CPAMD8: variants seen among roughly 807,000 people sequenced by gnomAD.
CPAMD8 encodes C3 and PZP-like alpha-2-macroglobulin domain-containing protein 8.
CPAMD8 carries 146 observed loss-of-function variants against 224.7 expected under a neutral mutation model. The ratio of observed to expected loss-of-function variants is 0.65; its 90% confidence interval spans 0.57 to 0.75. The LOEUF (loss-of-function observed/expected upper bound fraction) is 0.75. CPAMD8 is among the 30% of genes least tolerant of loss of function. The pLI is 0.00. For missense variants in CPAMD8, 2,301 were observed against 2,537.5 expected (o/e 0.91, Z 2.00); for synonymous variants, 966 against 1,044.6 (o/e 0.92, Z 1.45).
intron 41 of CPAMD8, chr19:16,895,883 A>ATG (rs992602741): frequency 3.7e-6 from 2 of 547,288 alleles, no homozygotes; most frequent in African/African-American, 3.9e-5. Flanking sequence ...CTTGACCCGT[A>ATG]TGCGCGCGCG....
intron 13 of CPAMD8, among the ~76,000 whole-genome samples, chr19:16,982,531 G>A (rs1367024411): frequency 2.6e-5 from 4 of 152,096 alleles, no homozygotes; most frequent in Non-Finnish European, 4.4e-5. Context: ...TGGAAAATTT[G>A]AGCAGCAAAA....
At chr19:17,016,900 T>C (rs2056827518) in intron 3 of CPAMD8, among the ~76,000 whole-genome samples, 1 of 151,822 alleles carries the variant, frequency 6.6e-6, no homozygotes, top group Non-Finnish European at 1.5e-5. Flanking sequence ...TTTTTTTTTT[T>C]TCTTTTTTCC....
At chr19:16,985,627 G>A (rs964634781) in intron 13 of CPAMD8, among the ~76,000 whole-genome samples, 2 of 150,988 alleles carry the variant, frequency 1.3e-5, no homozygotes, top group African/African-American at 4.9e-5. Context: ...TGGATGAAGG[G>A]AGGCGCAGAG....
chr19:16,896,619 CCCCTCCTCAGGGG>C lies in CPAMD8; in HGVS notation c.5099_5111del (p.Ala1700GlyfsTer83), dbSNP rs1743238841. The C allele has an allele frequency of 6.6e-7, 1 of 1,504,802 alleles. No homozygotes were observed. Among genetic ancestry groups the C allele is most frequent in the African/African-American group, 1.4e-5 (1 of 70,558 alleles). 93.2% of individuals were successfully genotyped at this position (1,504,802 alleles called of 1,614,324 possible). On this transcript the variant is annotated frameshift_variant, in exon 40 of 42. Coordinates refer to ENST00000443236, the MANE Select transcript of CPAMD8 (RefSeq NM_015692.5). LOFTEE classifies it high-confidence loss of function. ...CGCAGCCGCATCGCGCGATCGCCGC[CCCCTCCTCAGGGG>C]CCACGGCAGGGCCCGACTCGCCGGG...
intron 25 of CPAMD8, 21 bp downstream of exon 25, chr19:16,927,988 C>T (rs757191292): frequency 1.3e-6 from 2 of 1,580,070 alleles, no homozygotes; most frequent in South Asian, 2.2e-5. Flanking sequence ...CTCTCCAAGC[C>T]AGGCTGTGGG....
intron 41 of CPAMD8, chr19:16,895,636 G>C (rs1256837163): frequency 1.4e-5 from 5 of 346,238 alleles, no homozygotes; most frequent in Non-Finnish European, 2.3e-5. Flanking sequence ...ACCGCACACT[G>C]TTAACTACAG....
intron 3 of CPAMD8, among the ~76,000 whole-genome samples, chr19:17,017,526 C>T (rs74749913): frequency 0.11 from 17,375 of 152,086 alleles, 1,243 homozygotes; most frequent in Middle Eastern, 0.13. Flanking sequence ...GGGCCACATC[C>T]TTCTTTGCTG....
intron 3 of CPAMD8, among the ~76,000 whole-genome samples, chr19:17,019,960 T>C (rs1204367647): frequency 1.3e-5 from 2 of 150,894 alleles, no homozygotes; most frequent in Non-Finnish European, 2.9e-5. Context: ...ATTCTTTTTT[T>C]TTTTTCTTTT....
rs1364565414 is a variant in CPAMD8, at chr19:17,022,029, C to T, written c.244+1G>A. ...CCTGGTCTGGCACCCAAGGGACCTA[C>T]CCAGGATGGCTCCCTGGCTCTGCAC... On this transcript the variant is annotated splice_donor_variant, in intron 2 of 41. Transcript: ENST00000443236. LOFTEE classifies it high-confidence loss of function. The T allele has an allele frequency of 6.2e-7, 1 of 1,600,734 alleles. No homozygotes were observed. The highest frequency in any genetic ancestry group is 8.5e-7 in the Non-Finnish European group (1 of 1,173,872).
intron 5 of CPAMD8, among the ~76,000 whole-genome samples, chr19:17,010,948 G>A (rs1227760377): frequency 3.3e-5 from 5 of 152,014 alleles, no homozygotes; most frequent in Non-Finnish European, 5.9e-5. Context: ...GCTTGAACCC[G>A]GGAGGCAGAG....
chr19:16,898,999 C>T lies in CPAMD8; in HGVS notation c.4848+476G>A, dbSNP rs2052143972. Reference sequence around the variant, plus strand: ...GCAGTGGCACAATCTCAGGTCACCACAACCTCCGCCTCCCAGGTTCAAACG... The same window carrying T: ...GCAGTGGCACAATCTCAGGTCACCATAACCTCCGCCTCCCAGGTTCAAACG... On this transcript the variant is annotated intron_variant, in intron 37 of 41. Coordinates refer to ENST00000443236, the MANE Select transcript of CPAMD8 (RefSeq NM_015692.5). The surrounding 1 kb of genome is among the most constrained non-coding windows in gnomAD (Gnocchi z 4.2). Among the ~76,000 whole-genome samples the T allele has an allele frequency of 6.6e-6, 1 of 152,244 alleles. No homozygotes were observed. The highest frequency in any genetic ancestry group is 3.4e-3 in the Middle Eastern group (1 of 294).
chr19:16,922,775 C>A (rs2053225883), intron 26 of CPAMD8, among the ~76,000 whole-genome samples: 1 of 152,176 alleles, frequency 6.6e-6, no homozygotes, highest in East Asian at 1.9e-4. Flanking sequence ...CTTGAAACTA[C>A]CCTATACCAC....
At chr19:16,950,652 G>A (rs1848910251) in intron 20 of CPAMD8, among the ~76,000 whole-genome samples, 1 of 151,956 alleles carries the variant, frequency 6.6e-6, no homozygotes, top group African/African-American at 2.4e-5. Context: ...AATTAGCCAG[G>A]CATGGTGGTG....
At chr19:16,906,356 TTCTTTCTTTCTTTCTTTC>T (rs1306342757) in intron 30 of CPAMD8, among the ~76,000 whole-genome samples, 3 of 42,484 alleles carry the variant, frequency 7.1e-5, no homozygotes, top group Admixed American at 2.6e-4. Context: ...CTTTCTTTCT[TTCTTTCTTTCTTTCTTTC>T]TTTCTTTCTT....
intron 3 of CPAMD8, chr19:17,013,388 G>A (rs2056717090): frequency 6.6e-6 from 1 of 151,946 alleles, no homozygotes; most frequent in Non-Finnish European, 1.5e-5. Context: ...TCAGGCACCT[G>A]TAGTTCCAGC....
At chr19:16,945,982 T>C (rs977020315) in intron 21 of CPAMD8, among the ~76,000 whole-genome samples, 5 of 151,998 alleles carry the variant, frequency 3.3e-5, no homozygotes, top group African/African-American at 1.2e-4. Context: ...TTTGTGTGTG[T>C]ACAAATATGT....
At position 16,901,573 on chromosome 19, in the gene CPAMD8, C is replaced by T. The variant is rs566733937; in HGVS notation, c.4686-276G>A. On this transcript the variant is annotated intron_variant, in intron 35 of 41. Coordinates refer to ENST00000443236, the MANE Select transcript of CPAMD8 (RefSeq NM_015692.5). The stretch of plus-strand genomic sequence containing the variant: ...GCATTGTGTTCTGTCCTGGACTTCA[C>T]TCTGTGTCCCCAGCCTGGGAAGCAG... 3.3e-5 allele frequency among the ~76,000 whole-genome samples: 5 copies of T among 152,342 alleles called. No individual in the cohort carries two copies. In the South Asian group the frequency reaches 1.0e-3, roughly 32 times the overall value.
In CPAMD8 at chr19:16,952,145, AGCTG is replaced by A; in HGVS notation, c.2328_2331del (p.Ser777GlyfsTer14). 2 of 1,551,716 alleles carry A rather than the reference AGCTG, an allele frequency of 1.3e-6. No homozygotes were observed. Among genetic ancestry groups the A allele is most frequent in the Non-Finnish European group, 1.7e-6 (2 of 1,146,912 alleles). On this transcript the variant is annotated frameshift_variant, in exon 20 of 42. Transcript: ENST00000443236. LOFTEE classifies it high-confidence loss of function. ...GACAGGGCCACGGCCTCACCCACCC[AGCTG>A]GTGATGGAGTCCGGGACCTTCACAC...
intron 39 of CPAMD8, 159 bp from the exon 40 acceptor site, chr19:16,896,824 T>A (rs2052019273): frequency 2.3e-6 from 1 of 436,240 alleles, no homozygotes; most frequent in African/African-American, 2.0e-5. Flanking sequence ...AGCCCTGGCC[T>A]TATGGAATTT....
Sources: gnomAD v4.1 joint callset for allele counts (sites outside exome capture counted in the v4.1 genomes callset) on GRCh38, gnomAD v4.1.1 for gene constraint, Gnocchi (gnomAD v3.1) non-coding constraint, MANE v1.5 for transcripts, NCBI Gene and HGNC (gene_info 2026-07-23, HGNC 2026-07-21) for gene names.